FHIT: variants seen among roughly 807,000 people sequenced by gnomAD.
FHIT encodes bis(5'-adenosyl)-triphosphatase.
Under a neutral mutation model 17.9 loss-of-function variants are expected in FHIT, and 19 were observed. The observed-to-expected ratio is 1.06, with a 90% CI of 0.74 to 1.56. The LOEUF is 1.56. Ranked by LOEUF, FHIT falls within the 40% of genes most tolerant of loss-of-function variation. FHIT has a pLI of 0.00. For synonymous variants in FHIT, 81 were observed against 69.7 expected (o/e 1.16, Z -0.81); for missense variants, 248 against 189.2 (o/e 1.31, Z -1.82).
At chr3:61,108,274 CA>C (rs567373941) in intron 2 of FHIT, among the ~76,000 whole-genome samples, 192 of 151,666 alleles carry the variant, frequency 1.3e-3, no homozygotes, top group Non-Finnish European at 1.9e-3. Context: ...TTTCTGCTTT[CA>C]AAAAAAAGTG....
At chr3:60,399,394 T>A (rs977067094) in intron 5 of FHIT, among the ~76,000 whole-genome samples, 2 of 152,146 alleles carry the variant, frequency 1.3e-5, no homozygotes, top group African/African-American at 2.4e-5. Flanking sequence ...GAATAGATGC[T>A]GAGAATATCA....
intron 5 of FHIT, among the ~76,000 whole-genome samples, chr3:60,238,438 T>C (rs1351649050): frequency 1.0e-5 from 1 of 98,414 alleles, no homozygotes; most frequent in Non-Finnish European, 2.0e-5. Context: ...CTCAACTAGC[T>C]GTACTAAGCA....
chr3:61,204,165 T>A (rs145779264), intron 1 of FHIT, among the ~76,000 whole-genome samples: 1 of 152,254 alleles, frequency 6.6e-6, no homozygotes, highest in African/African-American at 2.4e-5. Context: ...TGTTTTTGAA[T>A]ATAAAGTATA....
intron 1 of FHIT, among the ~76,000 whole-genome samples, chr3:61,230,670 T>C (rs2040077314): frequency 6.6e-6 from 1 of 152,130 alleles, no homozygotes; most frequent in Non-Finnish European, 1.5e-5. Flanking sequence ...GACCAAACCA[T>C]AATATTGTTT....
rs1161697929 is a variant in FHIT at position 61,076,389 on chromosome 3, C to CG, written c.-163-34291dup. Among the ~76,000 whole-genome samples the CG allele has an allele frequency of 2.0e-5, 3 of 152,194 alleles. No individual in the cohort carries two copies. The East Asian group carries it at 5.8e-4, about 29-fold the overall frequency. The stretch of plus-strand genomic sequence containing the variant: ...AGAGCTATAAGGGCTGGTAAAAGAA[C>CG]GAAAGCTTTCCAATCCAGAGACAAA... On this transcript the variant is annotated intron_variant, in intron 2 of 9. Transcript: ENST00000492590.
At chr3:60,521,224 T>A (rs1369514156) in intron 5 of FHIT, among the ~76,000 whole-genome samples, 1 of 148,792 alleles carries the variant, frequency 6.7e-6, no homozygotes, top group African/African-American at 2.5e-5. Flanking sequence ...GGCATCAGGA[T>A]AATGGACAAT....
chr3:59,939,272 T>A (rs1183702361), intron 7 of FHIT, among the ~76,000 whole-genome samples: 1 of 152,190 alleles, frequency 6.6e-6, no homozygotes, highest in African/African-American at 2.4e-5. Flanking sequence ...AATGGAACCC[T>A]TCCTAACTTC....
chr3:60,647,953 G>T (rs990743026), intron 4 of FHIT, among the ~76,000 whole-genome samples: 1 of 152,272 alleles, frequency 6.6e-6, no homozygotes, highest in Non-Finnish European at 1.5e-5. Flanking sequence ...AATACACTGT[G>T]AGTTGAAATA....
At chr3:61,225,254 T>G (rs930218579) in intron 1 of FHIT, among the ~76,000 whole-genome samples, 3 of 152,254 alleles carry the variant, frequency 2.0e-5, no homozygotes, top group Non-Finnish European at 4.4e-5. Context: ...TCAATTTTTA[T>G]GGAGTTGCTA....
chr3:61,154,964 C>A (rs12637792), intron 2 of FHIT, among the ~76,000 whole-genome samples: 16,881 of 152,226 alleles, frequency 0.11, 1,625 homozygotes, highest in East Asian at 0.41. Flanking sequence ...ACCCGACAGG[C>A]CCTCTTCCCC....
At chr3:61,009,397 G>C (rs1165462279) in intron 3 of FHIT, among the ~76,000 whole-genome samples, 1 of 152,124 alleles carries the variant, frequency 6.6e-6, no homozygotes, top group Non-Finnish European at 1.5e-5. Flanking sequence ...TATGAAATTT[G>C]ATCTTAAGAA....
At chr3:60,361,962 A>C (rs1699922536) in intron 5 of FHIT, among the ~76,000 whole-genome samples, 1 of 152,154 alleles carries the variant, frequency 6.6e-6, no homozygotes, top group South Asian at 2.1e-4. Context: ...AAATCAAGTG[A>C]CACAAGTCAA....
intron 4 of FHIT, among the ~76,000 whole-genome samples, chr3:60,670,474 G>C (rs1397942349): frequency 6.6e-6 from 1 of 152,170 alleles, no homozygotes; most frequent in African/African-American, 2.4e-5. Context: ...TTTCCAAAGA[G>C]AAGTCAAGTG....
chr3:60,029,014 A>G (rs1056815489), intron 5 of FHIT, among the ~76,000 whole-genome samples: 6 of 152,240 alleles, frequency 3.9e-5, no homozygotes, highest in African/African-American at 1.4e-4. Flanking sequence ...AAACAAGGCA[A>G]GAATTGTTCA....
chr3:60,527,622 C>G (rs1048915698), intron 5 of FHIT, among the ~76,000 whole-genome samples: 4 of 152,100 alleles, frequency 2.6e-5, no homozygotes, highest in African/African-American at 9.7e-5. Flanking sequence ...TCAGAAGTCA[C>G]TAAGGTTGGT....
intron 5 of FHIT, among the ~76,000 whole-genome samples, chr3:60,463,276 C>G (rs2594239): frequency 0.31 from 47,743 of 151,966 alleles, 10,643 homozygotes; most frequent in African/African-American, 0.62. Context: ...TGGGAATCAG[C>G]TTTGGTTTTC....
At chr3:61,131,712 T>C (rs767013205) in intron 2 of FHIT, among the ~76,000 whole-genome samples, 3 of 152,212 alleles carry the variant, frequency 2.0e-5, no homozygotes, top group Non-Finnish European at 4.4e-5. Context: ...AGCAACATCC[T>C]GACAATTCTG....
chr3:60,226,235 G>A (rs570809365), intron 5 of FHIT, among the ~76,000 whole-genome samples: 1 of 152,094 alleles, frequency 6.6e-6, no homozygotes, highest in Non-Finnish European at 1.5e-5. Flanking sequence ...CACTTTGGGA[G>A]GCTGAGGCAG....
intron 4 of FHIT, among the ~76,000 whole-genome samples, chr3:60,554,252 AAAG>A (rs759371098): frequency 1.9e-4 from 29 of 152,028 alleles, no homozygotes; most frequent in Non-Finnish European, 4.1e-4. Flanking sequence ...AAAAAAAAAA[AAAG>A]AACAAACAAA....
Sources: gnomAD v4.1 joint callset for allele counts (sites outside exome capture counted in the v4.1 genomes callset) on GRCh38, gnomAD v4.1.1 for gene constraint, MANE v1.5 for transcripts, NCBI Gene and HGNC (gene_info 2026-07-23, HGNC 2026-07-21) for gene names.